The following ZNF618 variants were observed in gnomAD, a reference collection of about 807,000 sequenced individuals.
ZNF618 encodes the protein neural precursor cell expressed, developmentally down-regulated 10.
A neutral mutation model predicts 103.0 loss-of-function variants in ZNF618; 34 were observed. The observed-to-expected ratio is 0.33, with a 90% CI of 0.25 to 0.44. The LOEUF is 0.44. Among genes scored for constraint, ZNF618 ranks in the 20% least tolerant of loss-of-function variants. The pLI is 1.00. For missense variants in ZNF618, 1,059 were observed against 1,295.4 expected (o/e 0.82, Z 2.80); for synonymous variants, 551 against 542.2 (o/e 1.02, Z -0.23).
Position 114,050,903 on chromosome 9 carries a change from G to A in ZNF618, c.*736G>A, listed in dbSNP as rs1398747990. 1 of 152,656 alleles carries A rather than the reference G, an allele frequency of 6.6e-6. No homozygotes were observed. Among genetic ancestry groups the A allele is most frequent in the Non-Finnish European group, 1.5e-5 (1 of 68,064 alleles). The allele number at this position is 152,656 out of a possible 1,614,324, so 9.5% of individuals were successfully genotyped here. The stretch of plus-strand genomic sequence containing the variant: ...TTGAGATACCCCTTGGGTGTCCCGG[G>A]GCAGCCGCCTTAGAAACACACCTAT... On this transcript the variant is annotated 3_prime_UTR_variant, in exon 15 of 15. Coordinates refer to ENST00000374126, the MANE Select transcript of ZNF618 (RefSeq NM_001318042.2).
chr9:114,018,732 A>G (rs182190787), intron 10 of ZNF618, among the ~76,000 whole-genome samples: 187 of 152,160 alleles, frequency 1.2e-3, no homozygotes, highest in African/African-American at 4.3e-3. Context: ...TGTGTTCCTC[A>G]CTTTCTTTTG....
intron 1 of ZNF618, among the ~76,000 whole-genome samples, chr9:113,965,542 T>G (rs978905752): frequency 6.6e-6 from 1 of 151,950 alleles, no homozygotes; most frequent in African/African-American, 2.4e-5. Flanking sequence ...TTTACGAGAG[T>G]GAGAAGGAGG....
intron 1 of ZNF618, among the ~76,000 whole-genome samples, chr9:113,905,573 C>T (rs776840331): frequency 6.6e-6 from 1 of 152,094 alleles, no homozygotes; most frequent in African/African-American, 2.4e-5. Flanking sequence ...GCCTGTAGAC[C>T]AGGAGTCTAC....
At chr9:114,024,611 G>A (rs1250596589) in intron 10 of ZNF618, among the ~76,000 whole-genome samples, 1 of 152,218 alleles carries the variant, frequency 6.6e-6, no homozygotes, top group East Asian at 1.9e-4. Context: ...GGCCTTTCTG[G>A]CCGTTTCTTA....
At chr9:113,887,259 T>C (rs1227507870) in intron 1 of ZNF618, among the ~76,000 whole-genome samples, 3 of 152,040 alleles carry the variant, frequency 2.0e-5, no homozygotes, top group Non-Finnish European at 2.9e-5. Flanking sequence ...GAGGAGGTAA[T>C]GAGAGTTTAT....
At chr9:113,968,920 G>A (rs934965629) in intron 1 of ZNF618, among the ~76,000 whole-genome samples, 197 bp from the exon 2 acceptor site, 3 of 152,172 alleles carry the variant, frequency 2.0e-5, no homozygotes, top group Non-Finnish European at 2.9e-5. Context: ...AGCAAATGGG[G>A]TTGCAGGGAG....
chr9:113,901,851 T>C (rs1485236203), intron 1 of ZNF618, among the ~76,000 whole-genome samples: 1 of 152,118 alleles, frequency 6.6e-6, no homozygotes, highest in Non-Finnish European at 1.5e-5. Flanking sequence ...TTCTGTTTTG[T>C]TTTGTTTTTC....
intron 2 of ZNF618, among the ~76,000 whole-genome samples, chr9:113,978,155 G>A (rs1373085881): frequency 6.6e-6 from 1 of 152,200 alleles, no homozygotes; most frequent in Non-Finnish European, 1.5e-5. Context: ...TGGAAGTACA[G>A]ATCATTTTGA....
chr9:113,957,904 T>G (rs1836464112), intron 1 of ZNF618, among the ~76,000 whole-genome samples: 1 of 151,962 alleles, frequency 6.6e-6, no homozygotes, highest in Admixed American at 6.6e-5. Context: ...TTGGTGAGGC[T>G]GTACCAGGAC....
At chr9:114,035,396 C>T (rs926353888) in intron 12 of ZNF618, among the ~76,000 whole-genome samples, 16 of 152,252 alleles carry the variant, frequency 1.1e-4, no homozygotes, top group African/African-American at 3.6e-4. Context: ...GAGGTCCAGC[C>T]CTGGGCGGGT....
At chr9:114,004,156 T>C (rs1841515103) in intron 6 of ZNF618, among the ~76,000 whole-genome samples, 1 of 152,184 alleles carries the variant, frequency 6.6e-6, no homozygotes, top group African/African-American at 2.4e-5. Flanking sequence ...CTGGCCTGGG[T>C]CCCAGTAGCA....
rs367568651 is a variant in ZNF618, at chr9:114,048,868, G to A, written c.1566G>A (p.Ala522=). Residue 522 remains alanine, a synonymous_variant, in exon 15 of 15, where the codon GCG becomes GCA. Transcript: ENST00000374126. ...TCCTGGGCAACTTCAACACGCTGGCGCTGAAGCACCTGCCACGCATGTACA... is the reference window on the plus strand; with the variant it reads ...TCCTGGGCAACTTCAACACGCTGGCACTGAAGCACCTGCCACGCATGTACA... The part of the protein sequence containing the change: ...TEILGNFNTL[A]LKHLPRMYNQ... The A allele has an allele frequency of 3.4e-4, 554 of 1,607,480 alleles. 2 individuals carry two copies. The highest frequency in any genetic ancestry group is 2.0e-3 in the South Asian group (177 of 90,150).
chr9:113,925,625 A>T (rs1269832606), intron 1 of ZNF618, among the ~76,000 whole-genome samples: 3 of 151,598 alleles, frequency 2.0e-5, no homozygotes, highest in African/African-American at 7.3e-5. Context: ...TCTCTGCAGC[A>T]TTTTATATGA....
chr9:114,012,592 A>G (rs2133884384), intron 9 of ZNF618, among the ~76,000 whole-genome samples: 1 of 152,326 alleles, frequency 6.6e-6, no homozygotes, highest in South Asian at 2.1e-4. Flanking sequence ...TGAAAAAGCA[A>G]CAGAATAAGA....
intron 1 of ZNF618, among the ~76,000 whole-genome samples, chr9:113,914,717 G>C (rs562799450): frequency 6.6e-6 from 1 of 152,320 alleles, no homozygotes; most frequent in South Asian, 2.1e-4. Flanking sequence ...GGTGTAACAA[G>C]ATAGAGAGGG....
At chr9:114,015,040 T>G (rs1266580280) in intron 9 of ZNF618, among the ~76,000 whole-genome samples, 1 of 152,058 alleles carries the variant, frequency 6.6e-6, no homozygotes, top group Non-Finnish European at 1.5e-5. Flanking sequence ...ACAGAGCAAG[T>G]AGACAAACAA....
chr9:114,014,190 C>G (rs1034617754), intron 9 of ZNF618, among the ~76,000 whole-genome samples: 2 of 152,196 alleles, frequency 1.3e-5, no homozygotes, highest in African/African-American at 4.8e-5. Context: ...ATGAACAAGA[C>G]TTGTAAAACC....
chr9:114,055,291 T>G lies in ZNF618; in HGVS notation c.*5124T>G, dbSNP rs971455640. 1 of 152,274 alleles carries G rather than the reference T, an allele frequency of 6.6e-6. No individual in the cohort carries two copies. The highest frequency in any genetic ancestry group is 1.5e-5 in the Non-Finnish European group (1 of 68,018). 9.4% of individuals were successfully genotyped at this position (152,274 alleles called of 1,614,324 possible). A position where few individuals can be genotyped will look rare whatever the true frequency, so the allele number is the denominator to read the frequency against. ...TCCCGCCCAGCCAGGGTGGGCGGCA[T>G]CCTACGCGGTGAAACGAGCTCATGG... On this transcript the variant is annotated 3_prime_UTR_variant, in exon 15 of 15. Coordinates refer to ENST00000374126, the MANE Select transcript of ZNF618 (RefSeq NM_001318042.2).
At chr9:114,012,326 A>T (rs1199243690) in intron 9 of ZNF618, among the ~76,000 whole-genome samples, 2 of 151,888 alleles carry the variant, frequency 1.3e-5, no homozygotes, top group African/African-American at 4.8e-5. Context: ...TGGCTTGCAG[A>T]TGGTCACCAT....
Sources: allele counts gnomAD v4.1 joint callset (sites outside exome capture counted in the v4.1 genomes callset), GRCh38; gene constraint gnomAD v4.1.1; transcripts MANE v1.5; gene names NCBI Gene and HGNC (gene_info 2026-07-23, HGNC 2026-07-21).